SFMBT2: variants seen among roughly 807,000 people sequenced by gnomAD.
SFMBT2 encodes the protein Scm like with four mbt domains 2.
In SFMBT2, 38 loss-of-function variants were observed where a neutral mutation model predicts 110.1. The observed-to-expected ratio is 0.35, with a 90% confidence interval of 0.27 to 0.45. SFMBT2 has a LOEUF of 0.45. SFMBT2 is among the 20% of genes least tolerant of loss of function. The pLI, the probability that SFMBT2 is intolerant of heterozygous loss-of-function variation, is 1.00. For synonymous variants in SFMBT2, 425 were observed against 425.4 expected (o/e 1.00, Z 0.01); for missense variants, 1,011 against 1,094.9 (o/e 0.92, Z 1.08).
At chr10:7,229,156 T>G (rs1325450816) in intron 9 of SFMBT2, among the ~76,000 whole-genome samples, 1 of 150,402 alleles carries the variant, frequency 6.6e-6, no homozygotes, top group Non-Finnish European at 1.5e-5. Context: ...ATTTCTTATG[T>G]TTTTTTATCC....
intron 1 of SFMBT2, among the ~76,000 whole-genome samples, chr10:7,410,029 G>C (rs1292220390): frequency 6.6e-6 from 1 of 151,928 alleles, no homozygotes; most frequent in Non-Finnish European, 1.5e-5. Context: ...CATTTTGGCG[G>C]ATTTCTGCAA....
intron 10 of SFMBT2, among the ~76,000 whole-genome samples, chr10:7,223,254 T>C (rs1181673104): frequency 2.0e-5 from 3 of 152,170 alleles, no homozygotes; most frequent in Non-Finnish European, 4.4e-5. Flanking sequence ...CCATGAGCAG[T>C]GTGTGAGAGT....
chr10:7,359,540 G>A (rs1390584895), intron 4 of SFMBT2, among the ~76,000 whole-genome samples: 1 of 152,214 alleles, frequency 6.6e-6, no homozygotes, highest in Non-Finnish European at 1.5e-5. Flanking sequence ...TTGAGAAGCA[G>A]GAGAAAATAA....
chr10:7,244,178 G>C (rs1264585381), intron 8 of SFMBT2: 3 of 251,964 alleles, frequency 1.2e-5, no homozygotes, highest in Admixed American at 6.5e-5. Flanking sequence ...TTTTCCCTCA[G>C]AACACCCCAC....
At chr10:7,200,943 TA>T in intron 13 of SFMBT2, 1 of 721,366 alleles carries the variant, frequency 1.4e-6, no homozygotes. Context: ...ACACTAAAAA[TA>T]AGGCCTTAAA....
At chr10:7,386,059 T>C (rs946662944) in intron 1 of SFMBT2, among the ~76,000 whole-genome samples, 2 of 152,060 alleles carry the variant, frequency 1.3e-5, no homozygotes, top group African/African-American at 4.8e-5. Flanking sequence ...CTTTCATAGA[T>C]AAGAGCAAAA....
chr10:7,273,608 T>A (rs1841675522), intron 7 of SFMBT2, among the ~76,000 whole-genome samples: 1 of 152,220 alleles, frequency 6.6e-6, no homozygotes, highest in Non-Finnish European at 1.5e-5. Context: ...TATCTCCTAA[T>A]GCTATCCCTC....
intron 10 of SFMBT2, among the ~76,000 whole-genome samples, chr10:7,224,553 C>T (rs1013809636): frequency 5.9e-5 from 9 of 152,128 alleles, no homozygotes; most frequent in African/African-American, 2.2e-4. Context: ...AAAAATGGGA[C>T]AATTCTCCCA....
In SFMBT2 at chr10:7,172,173, A is replaced by C. The variant is rs1389116015; in HGVS notation, c.2152-15T>G. 2.0e-6 allele frequency: 3 copies of C among 1,531,382 alleles called. No individual in the cohort carries two copies. The highest frequency in any genetic ancestry group is 2.1e-5 in the Admixed American group (1 of 47,612). 94.9% of individuals were successfully genotyped at this position (1,531,382 alleles called of 1,614,324 possible). A position where few individuals can be genotyped will look rare whatever the true frequency, so the allele number is the denominator to read the frequency against. On this transcript the variant is annotated splice_polypyrimidine_tract_variant and intron_variant, in intron 18 of 20. Transcript: ENST00000397167. The surrounding 1 kb of genome is among the most constrained non-coding windows in gnomAD (Gnocchi z 4.6). Reference sequence around the variant, plus strand: ...TCTTCACTTTCCTGGGAAGGAGGAAAAGGCATTTAAGGGGCTGGTGGCCCG... The same window carrying C: ...TCTTCACTTTCCTGGGAAGGAGGAACAGGCATTTAAGGGGCTGGTGGCCCG...
intron 1 of SFMBT2, among the ~76,000 whole-genome samples, chr10:7,404,486 C>T (rs1225735566): frequency 6.6e-6 from 1 of 152,212 alleles, no homozygotes; most frequent in Non-Finnish European, 1.5e-5. Flanking sequence ...CCTGCCGCTT[C>T]TCCCCCATGT....
chr10:7,175,901 A>G (rs905961175), intron 17 of SFMBT2, 89 bp downstream of exon 17: 12 of 1,275,446 alleles, frequency 9.4e-6, no homozygotes, highest in Non-Finnish European at 1.2e-5. Context: ...TTCAAAAAGA[A>G]AAAAGCAAAT....
intron 4 of SFMBT2, among the ~76,000 whole-genome samples, chr10:7,307,879 C>CCA (rs1016091822): frequency 6.6e-6 from 1 of 152,128 alleles, no homozygotes; most frequent in African/African-American, 2.4e-5. Context: ...AAACTACAAG[C>CCA]CACAAACTAT....
At chr10:7,315,058 AAGAAAG>A (rs994826356) in intron 4 of SFMBT2, among the ~76,000 whole-genome samples, 11 of 136,046 alleles carry the variant, frequency 8.1e-5, no homozygotes, top group Admixed American at 7.4e-5. Flanking sequence ...GAAAGAAAGA[AAGAAAG>A]AAAGAAAGAA....
At chr10:7,348,040 C>T (rs1278731972) in intron 4 of SFMBT2, 1 of 345,030 alleles carries the variant, frequency 2.9e-6, no homozygotes, top group African/African-American at 2.1e-5. Context: ...TTTCACAAAA[C>T]AAATCTAATG....
At chr10:7,287,077 C>CTTTTT (rs761728311) in intron 4 of SFMBT2, among the ~76,000 whole-genome samples, 90 of 99,670 alleles carry the variant, frequency 9.0e-4, no homozygotes, top group East Asian at 2.7e-3. Flanking sequence ...TTTGAGGCAT[C>CTTTTT]TTTTTTTTTT....
At chr10:7,343,325 C>T (rs1843989453) in intron 4 of SFMBT2, among the ~76,000 whole-genome samples, 1 of 152,002 alleles carries the variant, frequency 6.6e-6, no homozygotes, top group South Asian at 2.1e-4. Flanking sequence ...CATGCCTTTG[C>T]TATTATGAAT....
At chr10:7,379,156 G>C (rs1015371946) in intron 2 of SFMBT2, among the ~76,000 whole-genome samples, 1 of 152,064 alleles carries the variant, frequency 6.6e-6, no homozygotes, top group Non-Finnish European at 1.5e-5. Context: ...CTATCATCGC[G>C]AGTCAGTTCA....
intron 4 of SFMBT2, among the ~76,000 whole-genome samples, chr10:7,308,568 T>G (rs1345438237): frequency 1.3e-5 from 2 of 151,984 alleles, no homozygotes; most frequent in Non-Finnish European, 2.9e-5. Context: ...GATGGGGACA[T>G]AAAACTTCCA....
rs1383544707 is a variant in SFMBT2, at chr10:7,250,799, C to T, written c.871-2150G>A. On this transcript the variant is annotated intron_variant, in intron 7 of 20. Coordinates refer to ENST00000397167, the MANE Select transcript of SFMBT2 (RefSeq NM_001387889.1). Reference sequence around the variant, plus strand: ...TCTTACTGGTGTGAGACGGTATCTCCTTGTGGTTTTGATTTCAAAACATTT... The same window carrying T: ...TCTTACTGGTGTGAGACGGTATCTCTTTGTGGTTTTGATTTCAAAACATTT... Among the ~76,000 whole-genome samples, 6 of 152,136 alleles carry T rather than the reference C, an allele frequency of 3.9e-5. No homozygotes were observed. The East Asian group carries it at 1.2e-3, about 29-fold the overall frequency.
Sources: allele counts gnomAD v4.1 joint callset (sites outside exome capture counted in the v4.1 genomes callset), GRCh38; gene constraint gnomAD v4.1.1; non-coding constraint Gnocchi (gnomAD v3.1); transcripts MANE v1.5; gene names NCBI Gene and HGNC (gene_info 2026-07-23, HGNC 2026-07-21).